The following GPC5 variants were observed in gnomAD, a reference collection of about 807,000 sequenced individuals.
The protein encoded by GPC5 is glypican 5, also known as glypican-5.
A neutral mutation model predicts 53.9 loss-of-function variants in GPC5; 47 were observed. The observed-to-expected ratio is 0.87, with a 90% CI of 0.69 to 1.11. The LOEUF is 1.11. GPC5 is among the 50% of genes most tolerant of loss of function. The pLI is 0.00. For missense variants in GPC5, 748 were observed against 713.1 expected, an observed-to-expected ratio of 1.05 and a Z score of -0.56; for synonymous variants, 286 against 263.3, an observed-to-expected ratio of 1.09 and a Z score of -0.84.
chr13:92,569,343 G>A (rs1475878551), intron 7 of GPC5, among the ~76,000 whole-genome samples: 2 of 151,898 alleles, frequency 1.3e-5, no homozygotes, highest in Admixed American at 6.6e-5. Flanking sequence ...GGCTTAAAGA[G>A]GCTAAGTGAC....
intron 2 of GPC5, among the ~76,000 whole-genome samples, chr13:91,526,130 T>C (rs767380279): frequency 6.6e-6 from 1 of 152,146 alleles, no homozygotes; most frequent in Non-Finnish European, 1.5e-5. Flanking sequence ...AGGTTCCAAA[T>C]ACGATCTGAA....
intron 7 of GPC5, among the ~76,000 whole-genome samples, chr13:92,529,576 C>T (rs1375897901): frequency 6.6e-6 from 1 of 152,152 alleles, no homozygotes; most frequent in Non-Finnish European, 1.5e-5. Context: ...ATGTAACCAG[C>T]TGGCAAGTAA....
intron 4 of GPC5, among the ~76,000 whole-genome samples, chr13:91,738,129 A>G (rs1158157200): frequency 6.6e-6 from 1 of 151,342 alleles, no homozygotes; most frequent in Non-Finnish European, 1.5e-5. Flanking sequence ...CGCACTGGTG[A>G]TAAAGACAAA....
At chr13:92,329,780 G>A (rs1223695331) in intron 7 of GPC5, among the ~76,000 whole-genome samples, 3 of 152,066 alleles carry the variant, frequency 2.0e-5, no homozygotes, top group Admixed American at 2.0e-4. Context: ...TATTAACACT[G>A]GCCAAGAAAA....
intron 7 of GPC5, among the ~76,000 whole-genome samples, chr13:92,375,244 C>T (rs2043684782): frequency 6.6e-6 from 1 of 152,154 alleles, no homozygotes; most frequent in Non-Finnish European, 1.5e-5. Context: ...TCATTGCAAA[C>T]TTTACAGAAG....
chr13:91,646,086 T>C (rs1350413395), intron 2 of GPC5, among the ~76,000 whole-genome samples: 3 of 152,174 alleles, frequency 2.0e-5, no homozygotes, highest in Non-Finnish European at 4.4e-5. Context: ...CATACGTATA[T>C]GAAAGAGGAG....
chr13:91,492,063 C>G (rs1400202412), intron 2 of GPC5, among the ~76,000 whole-genome samples: 3 of 151,998 alleles, frequency 2.0e-5, no homozygotes. Context: ...CTATTTTAGC[C>G]CCTATTACAT....
At chr13:92,685,087 C>CTATT (rs57486972) in intron 7 of GPC5, among the ~76,000 whole-genome samples, 159 of 150,634 alleles carry the variant, frequency 1.1e-3, no homozygotes, top group Non-Finnish European at 1.2e-3. Flanking sequence ...TCCAGTAGTT[C>CTATT]TATTTATTTA....
At chr13:92,340,598 G>C (rs1013394085) in intron 7 of GPC5, 1 of 152,072 alleles carries the variant, frequency 6.6e-6, no homozygotes, top group Non-Finnish European at 1.5e-5. Context: ...AGTACTTTAA[G>C]AATTTTTACT....
At chr13:91,565,921 G>C (rs962202048) in intron 2 of GPC5, among the ~76,000 whole-genome samples, 32 of 152,042 alleles carry the variant, frequency 2.1e-4, no homozygotes, top group African/African-American at 7.2e-4. Context: ...GGCACTTTTT[G>C]GTGTTCCTTA....
chr13:92,398,428 C>CAGAAAAA (rs1491242221), intron 7 of GPC5, among the ~76,000 whole-genome samples: 1 of 87,672 alleles, frequency 1.1e-5, no homozygotes, highest in African/African-American at 5.1e-5. Flanking sequence ...GACTCCGTCT[C>CAGAAAAA]AAAAAAAAAA....
At chr13:91,474,189 T>A (rs1882794557) in intron 2 of GPC5, among the ~76,000 whole-genome samples, 1 of 152,166 alleles carries the variant, frequency 6.6e-6, no homozygotes, top group South Asian at 2.1e-4. Flanking sequence ...TTTTGCATAT[T>A]TGTGCTTTGT....
At chr13:92,137,106 C>T (rs1214469317) in intron 6 of GPC5, among the ~76,000 whole-genome samples, 1 of 151,740 alleles carries the variant, frequency 6.6e-6, no homozygotes, top group Non-Finnish European at 1.5e-5. Flanking sequence ...CTCAGTTTTA[C>T]GGATGCAGTG....
At chr13:92,663,856 CTATATATATATATATATATATA>C (rs201565650) in intron 7 of GPC5, among the ~76,000 whole-genome samples, 2,177 of 88,356 alleles carry the variant, frequency 0.025, 84 homozygotes, top group Admixed American at 0.087. Flanking sequence ...CACACACACA[CTATATATATATATATATATATA>C]TATATATATA....
intron 6 of GPC5, among the ~76,000 whole-genome samples, chr13:92,007,406 T>C (rs112760354): frequency 0.015 from 2,239 of 152,286 alleles, 50 homozygotes; most frequent in African/African-American, 0.051. Flanking sequence ...GTTCTGATAT[T>C]AGGTTCATAC....
intron 3 of GPC5, among the ~76,000 whole-genome samples, chr13:91,705,086 T>G (rs551942076): frequency 6.6e-6 from 1 of 152,284 alleles, no homozygotes; most frequent in Admixed American, 6.5e-5. Flanking sequence ...ATGGAGAAGG[T>G]TTATACTCCC....
chr13:91,854,580 C>T lies in GPC5; in HGVS notation c.1281-53357C>T, dbSNP rs139369053. ...ACCCTTCCTGGCCTCTAGTAACTATCCTTCTATTCTCTATCTCCATGGGTT... is the reference window on the plus strand; with the variant it reads ...ACCCTTCCTGGCCTCTAGTAACTATTCTTCTATTCTCTATCTCCATGGGTT... On this transcript the variant is annotated intron_variant, in intron 5 of 7. Coordinates refer to ENST00000377067, the MANE Select transcript of GPC5 (RefSeq NM_004466.6). Among the ~76,000 whole-genome samples the T allele has an allele frequency of 2.1e-4, 32 of 151,770 alleles. No homozygotes were observed. The East Asian group carries it at 6.0e-3, about 28-fold the overall frequency.
At chr13:91,751,339 T>A (rs997919996) in intron 4 of GPC5, among the ~76,000 whole-genome samples, 5 of 152,214 alleles carry the variant, frequency 3.3e-5, no homozygotes, top group Non-Finnish European at 7.3e-5. Context: ...TTCCTATCAT[T>A]GTAGCAACCG....
At position 92,368,227 on chromosome 13, in the gene GPC5, C is replaced by T. The variant is rs367618577; in HGVS notation, c.1561+223238C>T. On this transcript the variant is annotated intron_variant, in intron 7 of 7. Coordinates refer to ENST00000377067, the MANE Select transcript of GPC5 (RefSeq NM_004466.6). ...CTCGAACTCCTGACCTCAAGTGATC[C>T]GCCCACCTCCGCCTCCCAAAGTGCT... is the stretch of plus-strand genomic sequence containing the variant. Among the ~76,000 whole-genome samples the T allele has an allele frequency of 1.2e-3, 176 of 151,754 alleles. 6 individuals are homozygous for T. The South Asian group carries it at 0.033, about 28-fold the overall frequency.
Sources: gnomAD v4.1 joint callset for allele counts (sites outside exome capture counted in the v4.1 genomes callset) on GRCh38, gnomAD v4.1.1 for gene constraint, MANE v1.5 for transcripts, NCBI Gene and HGNC (gene_info 2026-07-23, HGNC 2026-07-21) for gene names.